GRXCR2: variants seen among roughly 807,000 people sequenced by gnomAD.
GRXCR2 encodes glutaredoxin domain-containing cysteine-rich protein 2.
A neutral mutation model predicts 24.8 loss-of-function variants in GRXCR2; 23 were observed. That is an observed-to-expected ratio of 0.93 (90% CI 0.67 to 1.32). The LOEUF is 1.32. GRXCR2 is among the 40% of genes most tolerant of loss of function. GRXCR2 has a pLI of 0.00. For synonymous variants in GRXCR2, 130 were observed against 116.1 expected, an observed-to-expected ratio of 1.12 and a Z score of -0.77; for missense variants, 315 against 303.4, an observed-to-expected ratio of 1.04 and a Z score of -0.28.
At chr5:145,887,330 T>C (rs1756791902) in intron 2 of GRXCR2, among the ~76,000 whole-genome samples, 2 of 152,202 alleles carry the variant, frequency 1.3e-5, no homozygotes. Flanking sequence ...TTCTAGTTAT[T>C]TAGTCCCACT....
chr5:145,909,211 T>C (rs1355929913), intron 2 of GRXCR2, among the ~76,000 whole-genome samples: 2 of 152,244 alleles, frequency 1.3e-5, no homozygotes, highest in South Asian at 2.1e-4. Flanking sequence ...TAACAGGCTA[T>C]GAGGCGCGCA....
chr5:145,873,011 C>T lies in GRXCR2; in HGVS notation c.-43G>A, dbSNP rs10037373. On this transcript the variant is annotated 5_prime_UTR_variant, in exon 1 of 3. Transcript: ENST00000377976. ...TGTGGTCTCCAGCCTTCCGTGCAGC[C>T]GGTGAAACTTGGGCCTCTGAGAAAA... 887,464 of 1,537,674 alleles carry T rather than the reference C, an allele frequency of 0.58. 259,146 individuals carry two copies. The highest frequency in any genetic ancestry group is 0.73 in the Admixed American group (41,424 of 56,766).
upstream of GRXCR2, among the ~76,000 whole-genome samples, chr5:145,876,017 A>C (rs1756607522): frequency 1.3e-5 from 2 of 151,090 alleles, no homozygotes; most frequent in South Asian, 4.2e-4. Flanking sequence ...TTTTTTAAAA[A>C]TTATCTGGGC....
chr5:145,881,527 G>T (rs1368845562), intron 2 of GRXCR2, among the ~76,000 whole-genome samples: 18 of 152,098 alleles, frequency 1.2e-4, no homozygotes, highest in Non-Finnish European at 2.1e-4. Context: ...AAATAAAAGA[G>T]GATACAAACA....
chr5:145,903,786 A>T (rs891307395), intron 2 of GRXCR2, among the ~76,000 whole-genome samples: 1 of 152,236 alleles, frequency 6.6e-6, no homozygotes, highest in Non-Finnish European at 1.5e-5. Flanking sequence ...GTCAGAGGCC[A>T]CAATTGATTG....
chr5:145,887,831 A>G (rs1756798670), intron 2 of GRXCR2, among the ~76,000 whole-genome samples: 1 of 152,230 alleles, frequency 6.6e-6, no homozygotes, highest in African/African-American at 2.4e-5. Context: ...TAACTGTTTC[A>G]GAAAGCGTTT....
At chr5:145,911,791 C>A (rs1170430418) in intron 2 of GRXCR2, among the ~76,000 whole-genome samples, 2 of 152,178 alleles carry the variant, frequency 1.3e-5, no homozygotes, top group Admixed American at 6.5e-5. Context: ...CTGGCCTCCT[C>A]TAAATAGGTT....
rs770535368 is a variant in GRXCR2 at position 145,859,847 on chromosome 5, GCA to G, written c.631_632del (p.Cys211ProfsTer13). On this transcript the variant is annotated frameshift_variant, in exon 3 of 3. Transcript: ENST00000377976. LOFTEE classifies it high-confidence loss of function. ...RGSGSATCSL[C>X]HGSKFSMLAN... ...CCAGCATCGAGAACTTGCTGCCGTG[GCA>G]CAGAGAGCAGGTGGCACTGCCCGAC... 22 of 1,613,004 alleles carry G rather than the reference GCA, an allele frequency of 1.4e-5. No homozygotes were observed. The highest frequency in any genetic ancestry group is 1.8e-5 in the Non-Finnish European group (21 of 1,179,492).
At position 145,907,534 on chromosome 5, in the gene GRXCR2, A is replaced by C. The variant is rs755656282; in HGVS notation, c.-70+28167T>G. On this transcript the variant is annotated intron_variant, in intron 2 of 3. Coordinates refer to the GRXCR2 transcript ENST00000639411. ...ATGGAGTGAGACTCCCTCTCAAAAA[A>C]AAAAAAGTAATAATAATAATAAAAT... 2.0e-5 allele frequency among the ~76,000 whole-genome samples: 3 copies of C among 151,964 alleles called. No homozygotes were observed. In the East Asian group the frequency reaches 5.8e-4, roughly 29 times the overall value.
intron 2 of GRXCR2, among the ~76,000 whole-genome samples, chr5:145,896,096 T>G (rs1756943931): frequency 2.0e-5 from 3 of 152,188 alleles, no homozygotes; most frequent in Non-Finnish European, 4.4e-5. Context: ...AAGCTGAAAC[T>G]GGATCCCTTC....
chr5:145,903,296 C>G (rs530309812), intron 2 of GRXCR2, among the ~76,000 whole-genome samples: 3 of 152,242 alleles, frequency 2.0e-5, no homozygotes, highest in Admixed American at 2.0e-4. Context: ...GATGTCATAT[C>G]CAAGTGTCCT....
intron 2 of GRXCR2, among the ~76,000 whole-genome samples, chr5:145,907,400 G>T (rs1757106008): frequency 6.6e-6 from 1 of 152,108 alleles, no homozygotes; most frequent in Admixed American, 6.5e-5. Context: ...ATGGTGGCGG[G>T]CAACTGTAAG....
chr5:145,882,237 T>A (rs1278039223), intron 2 of GRXCR2, among the ~76,000 whole-genome samples: 1 of 152,078 alleles, frequency 6.6e-6, no homozygotes, highest in Non-Finnish European at 1.5e-5. Flanking sequence ...ACAGGCAACC[T>A]ACAGAATGGG....
In GRXCR2 at chr5:145,872,959, G is replaced by A. The variant is rs781439361; in HGVS notation, c.10C>T (p.Pro4Ser). ...CTCTTCTGATTCAGCTTTTTCTCAG[G>A]GTCCTCCATCAGCAGAAAGTTGACC... is the stretch of plus-strand genomic sequence containing the variant. MED[P>S]EKKLNQKSDG... Residue 4 changes from proline (P) to serine (S), a missense_variant, in exon 1 of 3, where the codon CCT becomes TCT. Coordinates refer to ENST00000377976, the MANE Select transcript of GRXCR2 (RefSeq NM_001080516.2). 6.2e-7 allele frequency: 1 copy of A among 1,613,798 alleles called. No individual in the cohort carries two copies. The highest frequency in any genetic ancestry group is 1.1e-5 in the South Asian group (1 of 91,062).
At chr5:145,885,111 GTGTGTGTGTGTC>G (rs1756759797) in intron 2 of GRXCR2, among the ~76,000 whole-genome samples, 1 of 151,382 alleles carries the variant, frequency 6.6e-6, no homozygotes, top group African/African-American at 2.4e-5. Flanking sequence ...GTGTGTGTGT[GTGTGTGTGTGTC>G]TGTCTGTCTG....
intron 1 of GRXCR2, among the ~76,000 whole-genome samples, chr5:145,868,555 G>A (rs867307171): frequency 2.6e-5 from 4 of 152,124 alleles, no homozygotes; most frequent in African/African-American, 9.7e-5. Flanking sequence ...TGGACTATCA[G>A]TTTCTGAATA....
chr5:145,921,687 C>G (rs1757322719), intron 2 of GRXCR2, among the ~76,000 whole-genome samples: 1 of 152,052 alleles, frequency 6.6e-6, no homozygotes, highest in South Asian at 2.1e-4. Context: ...AGCTCCTCAC[C>G]CAAAATACAT....
At chr5:145,887,086 A>C (rs1367453015) in intron 2 of GRXCR2, among the ~76,000 whole-genome samples, 1 of 152,236 alleles carries the variant, frequency 6.6e-6, no homozygotes, top group African/African-American at 2.4e-5. Context: ...TGTAAATCAA[A>C]TCAAAATTTT....
upstream of GRXCR2, among the ~76,000 whole-genome samples, chr5:145,876,244 CAA>C (rs1756616410): frequency 1.4e-5 from 2 of 144,042 alleles, no homozygotes; most frequent in East Asian, 2.0e-4. Context: ...CCCACACACA[CAA>C]ACACACACAT....
Sources: gnomAD v4.1 joint callset for allele counts (sites outside exome capture counted in the v4.1 genomes callset) on GRCh38, gnomAD v4.1.1 for gene constraint, MANE v1.5 for transcripts, NCBI Gene and HGNC (gene_info 2026-07-23, HGNC 2026-07-21) for gene names.